The following SLC9A6 variants were observed in gnomAD, a reference collection of about 807,000 sequenced individuals.
SLC9A6 encodes solute carrier family 9 member A6.
In SLC9A6, 6 loss-of-function variants were observed where a neutral mutation model predicts 45.3. The ratio of observed to expected loss-of-function variants is 0.13; its 90% CI spans 0.07 to 0.26. SLC9A6 has a LOEUF of 0.26. Among genes scored for constraint, SLC9A6 ranks in the 10% least tolerant of loss-of-function variants. The pLI is 1.00. For missense variants in SLC9A6, 278 were observed against 503.7 expected (o/e 0.55, Z 4.29); for synonymous variants, 191 against 187.7 (o/e 1.02, Z -0.14).
At position 136,026,383 on chromosome X, in the gene SLC9A6, T is replaced by C. The variant is rs145817304; in HGVS notation, c.1460+1900T>C. 1.1e-4 allele frequency among the ~76,000 whole-genome samples: 12 copies of C among 112,218 alleles called. No individual in the cohort carries two copies. The East Asian group carries it at 3.3e-3, about 31-fold the overall frequency. ...TTCCTCATCTGTAACATGTATGTTATAGTACCTACCTCCTTGGGTTGTTGT... is the reference window on the plus strand; with the variant it reads ...TTCCTCATCTGTAACATGTATGTTACAGTACCTACCTCCTTGGGTTGTTGT... On this transcript the variant is annotated intron_variant, in intron 13 of 17. Coordinates refer to ENST00000630721, the MANE Select transcript of SLC9A6 (RefSeq NM_001379110.1).
At chrX:136,025,993 A>G (rs2071218887) in intron 13 of SLC9A6, among the ~76,000 whole-genome samples, 1 of 111,801 alleles carries the variant, frequency 8.9e-6, no homozygotes, top group South Asian at 3.8e-4. Context: ...GCAAAAAGAA[A>G]AGACAAAAAC....
At chrX:135,997,569 G>A (rs1603197502) in intron 3 of SLC9A6, among the ~76,000 whole-genome samples, 2 of 104,271 alleles carry the variant, frequency 1.9e-5, no homozygotes, top group Admixed American at 1.1e-4. Flanking sequence ...CACCACACCC[G>A]GCTAATTTTT....
At chrX:136,041,724 C>T (rs2071514632) in intron 17 of SLC9A6, among the ~76,000 whole-genome samples, 1 of 112,151 alleles carries the variant, frequency 8.9e-6, no homozygotes, top group Non-Finnish European at 1.9e-5. Flanking sequence ...ACAACAGGCT[C>T]CCTAGAGCAG....
rs782423298 is a variant in SLC9A6, at chrX:136,022,536, ATAATAT to A, written c.1195-44_1195-39del. ...TCACCATCTTGAGTGTATAGTCTAA[ATAATAT>A]TAATAGTAAAATGAAATGATCCTTA... On this transcript the variant is annotated intron_variant, in intron 11 of 17. Coordinates refer to ENST00000630721, the MANE Select transcript of SLC9A6 (RefSeq NM_001379110.1). The A allele has an allele frequency of 8.7e-6, 7 of 804,879 alleles. No homozygotes were observed. The South Asian group carries it at 1.5e-4, about 17-fold the overall frequency. 66.3% of individuals were successfully genotyped at this position (804,879 alleles called of 1,213,427 possible).
In SLC9A6 at chrX:136,025,559, G is replaced by T. The variant is rs979118999; in HGVS notation, c.1460+1076G>T. Among the ~76,000 whole-genome samples, 5 of 111,851 alleles carry T rather than the reference G, an allele frequency of 4.5e-5. 1 individual carries two copies. The highest frequency in any genetic ancestry group is 1.6e-4 in the African/African-American group (5 of 30,793). On this transcript the variant is annotated intron_variant, in intron 13 of 17. Transcript: ENST00000630721. The stretch of plus-strand genomic sequence containing the variant: ...ACTATTCAAATCTCTTATAATTTCT[G>T]TGCTTTTATTGTGCATAGTATAAAA...
chrX:135,998,965 C>T lies in SLC9A6; in HGVS notation c.634C>T (p.Pro212Ser). The T allele has an allele frequency of 8.8e-7, 1 of 1,138,667 alleles. No individual in the cohort carries two copies. The highest frequency in any genetic ancestry group is 1.2e-6 in the Non-Finnish European group (1 of 829,314). 93.8% of individuals were successfully genotyped at this position (1,138,667 alleles called of 1,213,427 possible). The change falls in exon 6 of 18, where the codon CCA becomes TCA. Residue 212 changes from proline (P) to serine (S), a missense_variant. Pro to Ser is a moderately conservative substitution (Grantham distance 74, BLOSUM62 -1). Transcript: ENST00000630721. ...TGGTGCCATTGTATCAGCAACTGAT[C>T]CAGGTATGTTTTATATGAGTGGAGT... The part of the protein sequence containing the change: ...LFGAIVSATD[P>S]VTVLAIFHEL...
At chrX:136,038,741 T>C (rs1252431735) in intron 16 of SLC9A6, among the ~76,000 whole-genome samples, 2 of 110,136 alleles carry the variant, frequency 1.8e-5, no homozygotes, top group Non-Finnish European at 3.8e-5. Flanking sequence ...TTTTTCTTTT[T>C]TTTTTTCTTT....
intron 2 of SLC9A6, among the ~76,000 whole-genome samples, chrX:135,990,735 C>G (rs1556615590): frequency 9.1e-6 from 1 of 110,258 alleles, no homozygotes; most frequent in East Asian, 2.8e-4. Context: ...GATCACGCCA[C>G]TGCACTCCAA....
intron 11 of SLC9A6, among the ~76,000 whole-genome samples, chrX:136,017,925 C>T (rs1556619490): frequency 1.8e-5 from 2 of 111,399 alleles, no homozygotes; most frequent in African/African-American, 6.5e-5. Flanking sequence ...GCTCACTCAA[C>T]TCACATCACT....
chrX:135,991,993 A>G lies in SLC9A6; in HGVS notation c.170-2793A>G, dbSNP rs782734465. Reference sequence around the variant, plus strand: ...GACTTCAACCATCTTATGACTGCACAGTGTATATCTCCAGTTGAGACCCCT... The same window carrying G: ...GACTTCAACCATCTTATGACTGCACGGTGTATATCTCCAGTTGAGACCCCT... On this transcript the variant is annotated intron_variant, in intron 2 of 17. Transcript: ENST00000630721. Among the ~76,000 whole-genome samples the G allele has an allele frequency of 8.1e-5, 9 of 111,669 alleles. No homozygotes were observed. In the East Asian group the frequency reaches 2.5e-3, roughly 32 times the overall value.
chrX:136,045,312 T>C lies in SLC9A6; in HGVS notation c.*588T>C, dbSNP rs1327658553. 8.6e-6 allele frequency: 1 copy of C among 115,987 alleles called. No individual in the cohort carries two copies. The highest frequency in any genetic ancestry group is 1.8e-5 in the Non-Finnish European group (1 of 55,623). The allele number at this position is 115,987 out of a possible 1,213,427, so 9.6% of individuals were successfully genotyped here. On this transcript the variant is annotated 3_prime_UTR_variant, in exon 18 of 18. Transcript: ENST00000630721. ...AGTGTGAGGACCCTTTTCCCCCGCT[T>C]GCTGTGAAAGCACAGATTCATTGAC...
rs1203739428 is a variant in SLC9A6 at position 135,978,963 on chromosome X, G to A, written c.-57+4180G>A. 5.5e-5 allele frequency among the ~76,000 whole-genome samples: 6 copies of A among 109,793 alleles called. No individual in the cohort carries two copies. In the East Asian group the frequency reaches 1.7e-3, roughly 31 times the overall value. On this transcript the variant is annotated intron_variant, in intron 1 of 16. Transcript: ENST00000636092. The stretch of plus-strand genomic sequence containing the variant: ...AGATTCCAGACCCCTCATTCGTCAT[G>A]ATTGCTTCCTTGCCCCTCCCTACTT...
upstream of SLC9A6, among the ~76,000 whole-genome samples, chrX:135,980,347 A>G (rs1036511535): frequency 1.1e-4 from 12 of 109,113 alleles, no homozygotes; most frequent in African/African-American, 4.0e-4. Context: ...CTACCAATAC[A>G]TGAATTATTT....
intron 16 of SLC9A6, among the ~76,000 whole-genome samples, chrX:136,036,664 G>T (rs1414679745): frequency 8.9e-6 from 1 of 112,535 alleles, no homozygotes; most frequent in Non-Finnish European, 1.9e-5. Context: ...CAGGTGCATG[G>T]CACCACATCC....
intron 17 of SLC9A6, among the ~76,000 whole-genome samples, chrX:136,043,877 A>G (rs1156300033): frequency 1.8e-5 from 2 of 111,467 alleles, no homozygotes; most frequent in African/African-American, 3.3e-5. Flanking sequence ...CTGTACCCCA[A>G]ACTGTATTAG....
chrX:136,020,640 G>T (rs2071108143), intron 11 of SLC9A6, among the ~76,000 whole-genome samples: 1 of 111,818 alleles, frequency 8.9e-6, no homozygotes, highest in African/African-American at 3.2e-5. Context: ...CAAAGTGCTG[G>T]AATTACAGGC....
chrX:136,001,194 A>G (rs1375358310), intron 6 of SLC9A6, among the ~76,000 whole-genome samples: 2 of 108,415 alleles, frequency 1.8e-5, no homozygotes, highest in Admixed American at 1.0e-4. Flanking sequence ...AAAATTAGCC[A>G]GGTGTTCTGG....
chrX:135,985,472 G>T lies in SLC9A6; in HGVS notation c.-62G>T. The T allele has an allele frequency of 9.8e-7, 1 of 1,023,757 alleles. No homozygotes were observed. The highest frequency in any genetic ancestry group is 1.2e-6 in the Non-Finnish European group (1 of 800,856). The allele number at this position is 1,023,757 out of a possible 1,213,427, so 84.4% of individuals were successfully genotyped here. A position where few individuals can be genotyped will look rare whatever the true frequency, so the allele number is the denominator to read the frequency against. On this transcript the variant is annotated 5_prime_UTR_variant, in exon 1 of 18. Transcript: ENST00000630721. ...AGTGGTCCGACCGCGGGCGGCCGCC[G>T]GTGAGGTAGGGGCGGGAGGCGGGGG...
intron 17 of SLC9A6, among the ~76,000 whole-genome samples, chrX:136,044,000 A>G (rs782753513): frequency 1.8e-5 from 2 of 112,075 alleles, no homozygotes; most frequent in African/African-American, 6.5e-5. Context: ...ACACACAGTT[A>G]TAGCTCAAGG....
Sources: gnomAD v4.1 joint callset for allele counts (sites outside exome capture counted in the v4.1 genomes callset) on GRCh38, gnomAD v4.1.1 for gene constraint, MANE v1.5 for transcripts, NCBI Gene and HGNC (gene_info 2026-07-23, HGNC 2026-07-21) for gene names.